Variants in ATP8A2 observed in about 807,000 individuals in gnomAD.
ATP8A2 encodes phospholipid-transporting ATPase IB.
A neutral mutation model predicts 165.6 loss-of-function variants in ATP8A2; 100 were observed. The ratio of observed to expected loss-of-function variants is 0.60; its 90% confidence interval spans 0.51 to 0.71. The LOEUF is 0.71. Among genes scored for constraint, ATP8A2 ranks in the 30% least tolerant of loss-of-function variants. ATP8A2 has a pLI of 0.00. For synonymous variants in ATP8A2, 543 were observed against 548.8 expected, an observed-to-expected ratio of 0.99 and a Z score of 0.15; for missense variants, 1,227 against 1,479.5, an observed-to-expected ratio of 0.83 and a Z score of 2.80.
intron 1 of ATP8A2, among the ~76,000 whole-genome samples, chr13:25,458,498 A>C (rs929631575): frequency 6.6e-6 from 1 of 152,112 alleles, no homozygotes; most frequent in Non-Finnish European, 1.5e-5. Context: ...TTACAGGTGC[A>C]CTCGCCATGC....
intron 25 of ATP8A2, among the ~76,000 whole-genome samples, chr13:25,755,983 C>T (rs1006990434): frequency 7.2e-5 from 11 of 152,180 alleles, no homozygotes; most frequent in African/African-American, 2.4e-4. Flanking sequence ...AACAGGGACA[C>T]GTCAGCCAAG....
intron 33 of ATP8A2, among the ~76,000 whole-genome samples, chr13:25,892,950 C>G (rs187027476): frequency 3.5e-4 from 53 of 152,112 alleles, no homozygotes; most frequent in African/African-American, 1.2e-3. Context: ...TAGATAGGCT[C>G]AGGTTTGGGA....
chr13:25,889,848 T>C (rs1324667919), intron 33 of ATP8A2, among the ~76,000 whole-genome samples: 1 of 152,120 alleles, frequency 6.6e-6, no homozygotes, highest in Non-Finnish European at 1.5e-5. Flanking sequence ...TTTTTAAATT[T>C]TTTAACACTT....
intron 1 of ATP8A2, among the ~76,000 whole-genome samples, chr13:25,414,579 C>T (rs2034079256): frequency 6.6e-6 from 1 of 152,204 alleles, no homozygotes; most frequent in Non-Finnish European, 1.5e-5. Context: ...TGGCTGTTCT[C>T]AACTACAGGA....
intron 33 of ATP8A2, among the ~76,000 whole-genome samples, chr13:25,932,559 A>C (rs1007707490): frequency 1.3e-4 from 20 of 152,164 alleles, no homozygotes; most frequent in East Asian, 1.2e-3. Context: ...CCTAATTTTA[A>C]TATGCTTGTG....
chr13:25,814,963 G>A (rs1225220365), intron 27 of ATP8A2, among the ~76,000 whole-genome samples: 1 of 152,102 alleles, frequency 6.6e-6, no homozygotes, highest in Non-Finnish European at 1.5e-5. Context: ...GTCCTGGGGA[G>A]GCTGAGGCTG....
intron 33 of ATP8A2, among the ~76,000 whole-genome samples, chr13:25,952,831 C>T (rs1279967178): frequency 6.6e-6 from 1 of 152,170 alleles, no homozygotes; most frequent in Non-Finnish European, 1.5e-5. Context: ...GCCACACAGC[C>T]ACCCTGAGCA....
chr13:25,609,565 T>C (rs12019524), intron 24 of ATP8A2, among the ~76,000 whole-genome samples: 5,235 of 118,606 alleles, frequency 0.044, 105 homozygotes, highest in Middle Eastern at 0.094. Flanking sequence ...ATATTTGGAT[T>C]CAAATATATA....
At chr13:25,830,332 C>CTA (rs1593414377) in intron 28 of ATP8A2, among the ~76,000 whole-genome samples, 2 of 152,060 alleles carry the variant, frequency 1.3e-5, no homozygotes, top group Non-Finnish European at 2.9e-5. Flanking sequence ...ATGCATGACC[C>CTA]TAGGGTTGAG....
At chr13:25,492,430 C>T (rs1237144607) in intron 2 of ATP8A2, among the ~76,000 whole-genome samples, 2 of 152,116 alleles carry the variant, frequency 1.3e-5, no homozygotes, top group African/African-American at 4.8e-5. Context: ...TTATAGTTAT[C>T]ACTGAAAGAA....
intron 1 of ATP8A2, among the ~76,000 whole-genome samples, chr13:25,429,499 G>A (rs1473141384): frequency 1.3e-5 from 2 of 152,140 alleles, no homozygotes; most frequent in East Asian, 1.9e-4. Flanking sequence ...TGGATGGCTG[G>A]GTGGGTGGAG....
At chr13:25,963,393 CA>C (rs763926807) in intron 34 of ATP8A2, among the ~76,000 whole-genome samples, 1,174 of 115,346 alleles carry the variant, frequency 0.01, 16 homozygotes, top group Middle Eastern at 0.074. Flanking sequence ...GACTCCGTCT[CA>C]AAAAAAAAAA....
chr13:25,954,147 C>A (rs1046205608), intron 33 of ATP8A2, among the ~76,000 whole-genome samples: 3 of 152,212 alleles, frequency 2.0e-5, no homozygotes, highest in African/African-American at 7.2e-5. Context: ...TGAAGTTGAC[C>A]TGGGACACTC....
chr13:25,824,128 G>A (rs868535463), intron 27 of ATP8A2, among the ~76,000 whole-genome samples: 10 of 152,108 alleles, frequency 6.6e-5, no homozygotes, highest in South Asian at 2.1e-4. Flanking sequence ...GCACCACCAC[G>A]CCTGGCTAAT....
intron 33 of ATP8A2, among the ~76,000 whole-genome samples, chr13:25,889,256 A>ATATATATATATATATG (rs1953273204): frequency 6.9e-6 from 1 of 145,048 alleles, no homozygotes; most frequent in African/African-American, 2.5e-5. Flanking sequence ...ATATATATAT[A>ATATATATATATATATG]TATATATATA....
chr13:25,730,147 C>T lies in ATP8A2; in HGVS notation c.2384+30802C>T, dbSNP rs115253364. ...TCTACAAAAAATACAAAAAATTAAC[C>T]AGGCATGGTGCCGTGTGCCTGTGGT... On this transcript the variant is annotated intron_variant, in intron 25 of 36. Coordinates refer to ENST00000381655, the MANE Select transcript of ATP8A2 (RefSeq NM_016529.6). Among the ~76,000 whole-genome samples the T allele has an allele frequency of 9.5e-3, 1,439 of 152,052 alleles. 23 individuals carry two copies. The highest frequency in any genetic ancestry group is 0.033 in the African/African-American group (1,366 of 41,470).
intron 27 of ATP8A2, among the ~76,000 whole-genome samples, chr13:25,826,498 G>A (rs1415122882): frequency 1.3e-5 from 2 of 152,156 alleles, no homozygotes; most frequent in East Asian, 1.9e-4. Context: ...AGCAGCATGG[G>A]GAAGAATTCC....
At chr13:25,479,197 T>C (rs2036085225) in intron 2 of ATP8A2, among the ~76,000 whole-genome samples, 1 of 152,236 alleles carries the variant, frequency 6.6e-6, no homozygotes, top group Non-Finnish European at 1.5e-5. Flanking sequence ...AACATTGGTA[T>C]ACATGTGCTA....
chr13:25,718,950 G>A lies in ATP8A2; in HGVS notation c.2384+19605G>A, dbSNP rs549068280. The stretch of plus-strand genomic sequence containing the variant: ...CCCCTGTTGATGTGTAAGAACATAC[G>A]CGTGCATGTGGGGACACCAGTGGCA... On this transcript the variant is annotated intron_variant, in intron 25 of 36. Transcript: ENST00000381655. 2.6e-3 allele frequency among the ~76,000 whole-genome samples: 395 copies of A among 152,238 alleles called. 4 individuals carry two copies. The highest frequency in any genetic ancestry group is 4.6e-3 in the Non-Finnish European group (310 of 68,012).
Sources: allele counts gnomAD v4.1 joint callset (sites outside exome capture counted in the v4.1 genomes callset), GRCh38; gene constraint gnomAD v4.1.1; transcripts MANE v1.5; gene names NCBI Gene and HGNC (gene_info 2026-07-23, HGNC 2026-07-21).